Variants in ROR2 observed in about 807,000 individuals in gnomAD.
ROR2 encodes the protein tyrosine-protein kinase transmembrane receptor ROR2.
In ROR2, 33 loss-of-function variants were observed where a neutral mutation model predicts 74.9. The observed-to-expected ratio is 0.44, with a 90% CI of 0.33 to 0.59. ROR2 has a LOEUF of 0.59. ROR2 is among the 20% of genes least tolerant of loss of function. ROR2 has a pLI of 0.02. For missense variants in ROR2, 1,216 were observed against 1,313.8 expected (o/e 0.93, Z 1.15); for synonymous variants, 586 against 558.7 (o/e 1.05, Z -0.69).
At chr9:91,947,392 A>T (rs919364188) in intron 1 of ROR2, among the ~76,000 whole-genome samples, 6 of 152,216 alleles carry the variant, frequency 3.9e-5, no homozygotes, top group African/African-American at 1.4e-4. Context: ...ATACTGAAAA[A>T]TTTCAAATGT....
At chr9:91,870,182 A>G (rs1720979999) in intron 1 of ROR2, among the ~76,000 whole-genome samples, 1 of 151,886 alleles carries the variant, frequency 6.6e-6, no homozygotes, top group Admixed American at 6.6e-5. Flanking sequence ...TTACTATCTG[A>G]TTATTTTTTG....
At position 91,805,972 on chromosome 9, in the gene ROR2, G is replaced by A. The variant is rs531947088; in HGVS notation, c.98-30154C>T. Among the ~76,000 whole-genome samples the A allele has an allele frequency of 2.0e-5, 3 of 152,254 alleles. No individual in the cohort carries two copies. In the East Asian group the frequency reaches 5.8e-4, roughly 29 times the overall value. Reference sequence around the variant, plus strand: ...AGTAAGTATATTCGGGCAGTTGAGGGGCACTTGAGGATTCAGTGCAATTCA... The same window carrying A: ...AGTAAGTATATTCGGGCAGTTGAGGAGCACTTGAGGATTCAGTGCAATTCA... On this transcript the variant is annotated intron_variant, in intron 1 of 8. Transcript: ENST00000375708.
chr9:91,802,861 C>T (rs1827435236), intron 1 of ROR2, among the ~76,000 whole-genome samples: 1 of 152,116 alleles, frequency 6.6e-6, no homozygotes, highest in Non-Finnish European at 1.5e-5. Context: ...AAGAACAAAC[C>T]AACCACAAAA....
At chr9:91,782,958 A>G (rs1283363836) in intron 1 of ROR2, among the ~76,000 whole-genome samples, 2 of 152,228 alleles carry the variant, frequency 1.3e-5, no homozygotes, top group African/African-American at 2.4e-5. Flanking sequence ...GGCAGCCTAA[A>G]CAATGGAAAC....
At chr9:91,762,529 A>G (rs1038126078) in intron 2 of ROR2, among the ~76,000 whole-genome samples, 1 of 152,254 alleles carries the variant, frequency 6.6e-6, no homozygotes, top group Admixed American at 6.5e-5. Context: ...CAGCTATCAA[A>G]CAATAACCAT....
intron 1 of ROR2, among the ~76,000 whole-genome samples, chr9:91,926,930 T>C (rs1198081761): frequency 6.6e-6 from 1 of 152,182 alleles, no homozygotes. Context: ...GAGGTGGTGA[T>C]GGCTGCACAG....
intron 1 of ROR2, among the ~76,000 whole-genome samples, chr9:91,914,121 G>A (rs1055705004): frequency 2.0e-5 from 3 of 152,162 alleles, no homozygotes; most frequent in East Asian, 3.9e-4. Flanking sequence ...CAATGCCCCC[G>A]TGTGCTTGCT....
At chr9:91,817,322 G>C (rs1016551372) in intron 1 of ROR2, among the ~76,000 whole-genome samples, 1 of 152,238 alleles carries the variant, frequency 6.6e-6, no homozygotes, top group Admixed American at 6.5e-5. Context: ...GAAGGCAGGA[G>C]ACCTTCGTGG....
intron 1 of ROR2, among the ~76,000 whole-genome samples, chr9:91,866,417 C>T (rs1004435333): frequency 1.3e-4 from 14 of 103,904 alleles, no homozygotes; most frequent in African/African-American, 4.8e-4. Context: ...CACGCCCAGT[C>T]TTTTTTTTTT....
At chr9:91,819,544 A>C (rs1253651415) in intron 1 of ROR2, among the ~76,000 whole-genome samples, 1 of 147,320 alleles carries the variant, frequency 6.8e-6, no homozygotes, top group African/African-American at 2.5e-5. Context: ...TCTGTCTTTG[A>C]GTGTGTATCT....
chr9:91,913,699 C>T (rs1308237476), intron 1 of ROR2, among the ~76,000 whole-genome samples: 2 of 152,218 alleles, frequency 1.3e-5, no homozygotes, highest in Non-Finnish European at 2.9e-5. Flanking sequence ...TCTGTACTTT[C>T]ACCAATCTTG....
rs572095862 is a variant in ROR2 at position 91,835,481 on chromosome 9, G to A, written c.98-59663C>T. 9.9e-5 allele frequency among the ~76,000 whole-genome samples: 15 copies of A among 152,108 alleles called. No homozygotes were observed. In the East Asian group the frequency reaches 1.6e-3, roughly 16 times the overall value. ...AAAACAGCCTGTCAGAGCCACTGGG[G>A]GCTGCCCTGACATGCTCAGAGTTAA... On this transcript the variant is annotated intron_variant, in intron 1 of 8. Transcript: ENST00000375708.
chr9:91,842,484 G>A (rs78098713), intron 1 of ROR2, among the ~76,000 whole-genome samples: 5,671 of 152,340 alleles, frequency 0.037, 159 homozygotes, highest in East Asian at 0.098. Context: ...CTTGGGGGCC[G>A]TGTCCTCACC....
intron 4 of ROR2, among the ~76,000 whole-genome samples, chr9:91,743,064 C>T (rs1288679918): frequency 6.6e-6 from 1 of 152,140 alleles, no homozygotes; most frequent in Non-Finnish European, 1.5e-5. Context: ...TGTGTGAGTA[C>T]ACTCTATGAT....
intron 2 of ROR2, among the ~76,000 whole-genome samples, chr9:91,774,668 C>T (rs564383409): frequency 7.2e-5 from 11 of 152,230 alleles, no homozygotes; most frequent in South Asian, 4.2e-4. Context: ...ATCCATCTCC[C>T]CAATGGACTA....
chr9:91,833,734 C>A (rs868666644), intron 1 of ROR2, among the ~76,000 whole-genome samples: 1 of 152,090 alleles, frequency 6.6e-6, no homozygotes, highest in Non-Finnish European at 1.5e-5. Flanking sequence ...GGCCTCAACA[C>A]GCAGAAGGAG....
At chr9:91,838,802 G>A (rs1051436200) in intron 1 of ROR2, among the ~76,000 whole-genome samples, 4 of 152,168 alleles carry the variant, frequency 2.6e-5, no homozygotes, top group African/African-American at 7.2e-5. Flanking sequence ...ATGAGTTATC[G>A]TGAAACCCAG....
intron 1 of ROR2, among the ~76,000 whole-genome samples, chr9:91,854,674 C>T (rs983191147): frequency 6.6e-6 from 1 of 152,190 alleles, no homozygotes; most frequent in African/African-American, 2.4e-5. Context: ...CTGGAGTCTC[C>T]GCTGCCTCTG....
In ROR2 at chr9:91,920,668, G is replaced by A. The variant is rs1352231817; in HGVS notation, c.97+29199C>T. Among the ~76,000 whole-genome samples the A allele has an allele frequency of 2.0e-5, 3 of 152,156 alleles. No individual in the cohort carries two copies. In the East Asian group the frequency reaches 5.8e-4, roughly 29 times the overall value. ...CTCAGGTGCTTCCAGGCACTTGGGA[G>A]CATATCGACAAAGCAAATGAAGATG... On this transcript the variant is annotated intron_variant, in intron 1 of 8. Transcript: ENST00000375708.
Sources: allele counts gnomAD v4.1 joint callset (sites outside exome capture counted in the v4.1 genomes callset), GRCh38; gene constraint gnomAD v4.1.1; transcripts MANE v1.5; gene names NCBI Gene and HGNC (gene_info 2026-07-23, HGNC 2026-07-21).